Variants in DCLRE1C observed in about 807,000 individuals in gnomAD.
DCLRE1C encodes DNA cross-link repair 1C.
DCLRE1C carries 47 observed loss-of-function variants against 61.4 expected under a neutral mutation model. That is an observed-to-expected ratio of 0.77 (90% CI 0.61 to 0.98). The LOEUF is 0.98. Among genes scored for constraint, DCLRE1C ranks in the 50% least tolerant of loss-of-function variants. The pLI, the probability that DCLRE1C is intolerant of heterozygous loss-of-function variation, is 0.00. For synonymous variants in DCLRE1C, 337 were observed against 287.6 expected, an observed-to-expected ratio of 1.17 and a Z score of -1.74; for missense variants, 858 against 816.0, an observed-to-expected ratio of 1.05 and a Z score of -0.63.
At chr10:14,898,610 T>A (rs947122669) in exon 14 of DCLRE1C, 2 of 152,204 alleles carry the variant, frequency 1.3e-5, no homozygotes, top group African/African-American at 4.8e-5. Flanking sequence ...TTAACCAAAA[T>A]TTTTTAAGTT....
At chr10:14,897,534 A>C in exon 14 of DCLRE1C, 9 of 1,499,110 alleles carry the variant, frequency 6.0e-6, no homozygotes, top group Non-Finnish European at 7.1e-6. Flanking sequence ...TTCATTTGCC[A>C]CGTAGTAAAT....
In DCLRE1C at chr10:14,908,301, A is replaced by C. The variant is rs1440095013; in HGVS notation, c.*107T>G. On this transcript the variant is annotated 3_prime_UTR_variant, in exon 14 of 14. Coordinates refer to ENST00000378278, the MANE Select transcript of DCLRE1C (RefSeq NM_001033855.3). ...CAAGTGTGAGCCACCACACCCAACC[A>C]GGTTATTTGAACATTTTTAAGTACT... The C allele has an allele frequency of 1.7e-5, 16 of 946,926 alleles. No homozygotes were observed. Among genetic ancestry groups the C allele is most frequent in the Non-Finnish European group, 3.3e-6 (2 of 607,324 alleles). 58.7% of individuals were successfully genotyped at this position (946,926 alleles called of 1,614,324 possible). A position where few individuals can be genotyped will look rare whatever the true frequency, so the allele number is the denominator to read the frequency against.
At chr10:14,902,718 T>C, downstream of DCLRE1C, 6 of 390,728 alleles carry the variant, frequency 1.5e-5, no homozygotes, top group South Asian at 2.5e-4. Flanking sequence ...TCGACATATT[T>C]ATAGTGCTTA....
intron 13 of DCLRE1C, among the ~76,000 whole-genome samples, chr10:14,917,583 G>T (rs1047509182): frequency 1.3e-5 from 2 of 152,074 alleles, no homozygotes; most frequent in Admixed American, 1.3e-4. Flanking sequence ...CAGCACTTTA[G>T]GAGGCCAAGG....
chr10:14,922,602 C>G (rs141450103), intron 12 of DCLRE1C, among the ~76,000 whole-genome samples: 1 of 152,280 alleles, frequency 6.6e-6, no homozygotes, highest in East Asian at 1.9e-4. Context: ...TGGCATGGTG[C>G]TAGGTGCTTT....
chr10:14,921,176 C>T (rs1435006776), intron 12 of DCLRE1C, among the ~76,000 whole-genome samples: 2 of 151,738 alleles, frequency 1.3e-5, no homozygotes, highest in Non-Finnish European at 2.9e-5. Context: ...AAAAATTAGC[C>T]GGGCGTGGTC....
chr10:14,937,879 G>C, intron 4 of DCLRE1C, among the ~76,000 whole-genome samples: 1 of 130,758 alleles, frequency 7.6e-6, no homozygotes, highest in South Asian at 2.7e-4. Flanking sequence ...GGGCGACAGA[G>C]TAAGGCTCAG....
intron 1 of DCLRE1C, among the ~76,000 whole-genome samples, chr10:14,953,542 G>A (rs1361354626): frequency 1.3e-5 from 2 of 151,952 alleles, no homozygotes; most frequent in Non-Finnish European, 2.9e-5. Flanking sequence ...TGAGGGTGTG[G>A]TCAAATGGAT....
At chr10:14,941,419 G>T (rs528026405) in intron 3 of DCLRE1C, among the ~76,000 whole-genome samples, 19 of 152,088 alleles carry the variant, frequency 1.2e-4, no homozygotes, top group Non-Finnish European at 2.4e-4. Context: ...TGAGTGGCTG[G>T]GACTACAGGC....
intron 13 of DCLRE1C, among the ~76,000 whole-genome samples, chr10:14,913,187 AAC>A (rs1835576060): frequency 6.6e-6 from 1 of 152,290 alleles, no homozygotes; most frequent in Admixed American, 6.5e-5. Flanking sequence ...GTGTCCAGAA[AAC>A]ACAAATCTAT....
chr10:14,936,161 C>T (rs766515734), intron 5 of DCLRE1C, among the ~76,000 whole-genome samples: 46 of 151,848 alleles, frequency 3.0e-4, no homozygotes, highest in Admixed American at 5.3e-4. Flanking sequence ...CCCAAAGTGC[C>T]GGGATTACAG....
chr10:14,954,024 C>G lies in DCLRE1C; in HGVS notation c.-14G>C, dbSNP rs748189934. On this transcript the variant is annotated 5_prime_UTR_variant, in exon 1 of 14. Coordinates refer to ENST00000378278, the MANE Select transcript of DCLRE1C (RefSeq NM_001033855.3). Reference sequence around the variant, plus strand: ...GAAAGAACTCATAGCGCCGCCGATCCCAGAGTCCGGGACCCCAAAACCGCA... The same window carrying G: ...GAAAGAACTCATAGCGCCGCCGATCGCAGAGTCCGGGACCCCAAAACCGCA... The G allele has an allele frequency of 6.2e-7, 1 of 1,613,768 alleles. No homozygotes were observed. The highest frequency in any genetic ancestry group is 8.5e-7 in the Non-Finnish European group (1 of 1,179,908).
chr10:14,906,921 C>G lies in DCLRE1C; in HGVS notation c.*1487G>C, dbSNP rs528458946. Among the ~76,000 whole-genome samples the G allele has an allele frequency of 3.3e-4, 50 of 151,768 alleles. No homozygotes were observed. The highest frequency in any genetic ancestry group is 1.7e-3 in the South Asian group (8 of 4,804). ...TTGAGATGGGGTCTTGCTTTGTTGC[C>G]CAGGCTGGGCACAATCAGCTCACTG... On this transcript the variant is annotated 3_prime_UTR_variant, in exon 14 of 14. Coordinates refer to ENST00000378278, the MANE Select transcript of DCLRE1C (RefSeq NM_001033855.3).
chr10:14,945,783 C>T (rs895907741), intron 2 of DCLRE1C, among the ~76,000 whole-genome samples: 22 of 149,408 alleles, frequency 1.5e-4, no homozygotes, highest in African/African-American at 2.2e-4. Context: ...CTCAGCCTCC[C>T]GAGTAGCTGG....
At chr10:14,936,330 T>C (rs189475896) in intron 5 of DCLRE1C, among the ~76,000 whole-genome samples, 114 of 149,470 alleles carry the variant, frequency 7.6e-4, no homozygotes, top group African/African-American at 1.6e-3. Flanking sequence ...TTCTTTCTTT[T>C]TTTTTTTTTT....
At position 14,915,296 on chromosome 10, in the gene DCLRE1C, T is replaced by C. The variant is rs560981986; in HGVS notation, c.1156+4442A>G. 6.6e-5 allele frequency among the ~76,000 whole-genome samples: 10 copies of C among 151,414 alleles called. No homozygotes were observed. In the South Asian group the frequency reaches 1.3e-3, roughly 19 times the overall value. On this transcript the variant is annotated intron_variant, in intron 13 of 13. Transcript: ENST00000378278. Reference sequence around the variant, plus strand: ...AAGATCAGAGTGGAATTCAATGAAATAGAAAACTACCCCGTGCCAAAAAAA... The same window carrying C: ...AAGATCAGAGTGGAATTCAATGAAACAGAAAACTACCCCGTGCCAAAAAAA...
At chr10:14,910,411 TAC>T (rs1333507239) in intron 13 of DCLRE1C, among the ~76,000 whole-genome samples, 2 of 152,188 alleles carry the variant, frequency 1.3e-5, no homozygotes. Flanking sequence ...TTGAGTTTTA[TAC>T]AGTCACAGTT....
intron 11 of DCLRE1C, 82 bp from the exon 12 acceptor site, chr10:14,923,151 G>T: frequency 9.3e-7 from 1 of 1,073,386 alleles, no homozygotes. Context: ...GCTGGGGAAA[G>T]AGAAGCAGAA....
At chr10:14,934,910 C>A in intron 6 of DCLRE1C, 135 bp from the exon 7 acceptor site, 2 of 692,860 alleles carry the variant, frequency 2.9e-6, no homozygotes, top group East Asian at 2.8e-5. Context: ...ACCTCCTCCA[C>A]CTCCCGGGTT....
Sources: gnomAD v4.1 joint callset for allele counts (sites outside exome capture counted in the v4.1 genomes callset) on GRCh38, gnomAD v4.1.1 for gene constraint, MANE v1.5 for transcripts, NCBI Gene and HGNC (gene_info 2026-07-23, HGNC 2026-07-21) for gene names.